APC: variants seen among roughly 807,000 people sequenced by gnomAD.
APC encodes adenomatous polyposis coli protein.
In APC, 72 loss-of-function variants were observed where a neutral mutation model predicts 247.0. That is an observed-to-expected ratio of 0.29 (90% CI 0.24 to 0.35). The LOEUF is 0.35. APC is among the 10% of genes least tolerant of loss of function. The probability of loss-of-function intolerance (pLI) is 1.00; values close to 1 mark genes in which losing one functional copy is unlikely to be tolerated. For missense variants in APC, 3,400 were observed against 3,360.7 expected (o/e 1.01, Z -0.29); for synonymous variants, 1,254 against 1,162.5 (o/e 1.08, Z -1.60).
At chr5:112,715,600 T>C (rs1438553941) in intron 1 of APC, among the ~76,000 whole-genome samples, 1 of 152,208 alleles carries the variant, frequency 6.6e-6, no homozygotes, top group Non-Finnish European at 1.5e-5. Flanking sequence ...ATATTTGTTA[T>C]AACATGTCAG....
intron 11 of APC, among the ~76,000 whole-genome samples, chr5:112,826,388 G>T (rs1027929826): frequency 1.3e-5 from 2 of 148,846 alleles, no homozygotes; most frequent in Non-Finnish European, 3.0e-5. Flanking sequence ...CTTTACCTTT[G>T]TTTTCTCCTT....
chr5:112,759,118 T>C (rs1382680102), intron 2 of APC, among the ~76,000 whole-genome samples: 2 of 152,178 alleles, frequency 1.3e-5, no homozygotes, highest in Non-Finnish European at 2.9e-5. Context: ...AAGTATATCT[T>C]TTCAGAAAGT....
At chr5:112,739,166 T>G (rs1752683230) in intron 1 of APC, among the ~76,000 whole-genome samples, 1 of 152,236 alleles carries the variant, frequency 6.6e-6, no homozygotes, top group African/African-American at 2.4e-5. Context: ...ACATGGCTTT[T>G]CTTCTAGATG....
chr5:112,737,996 T>C, intron 1 of APC, 71 bp downstream of exon 1: 1 of 935,616 alleles, frequency 1.1e-6, no homozygotes, highest in Middle Eastern at 5.5e-4. Context: ...CCTCGCACTG[T>C]CTTAAACCGA....
chr5:112,827,811 G>T (rs1428301395), intron 12 of APC, 118 bp from the exon 13 acceptor site: 4 of 769,218 alleles, frequency 5.2e-6, no homozygotes, highest in Non-Finnish European at 9.0e-6. Flanking sequence ...TATGAGTGAA[G>T]TATCAGTTAT....
chr5:112,740,918 C>A (rs1310317683), intron 1 of APC, among the ~76,000 whole-genome samples: 1 of 152,018 alleles, frequency 6.6e-6, no homozygotes, highest in Non-Finnish European at 1.5e-5. Context: ...ATCTTTTATA[C>A]TTGTATATGT....
intron 9 of APC, among the ~76,000 whole-genome samples, chr5:112,817,923 C>G (rs1419804983): frequency 1.3e-5 from 2 of 152,190 alleles, no homozygotes; most frequent in Non-Finnish European, 2.9e-5. Flanking sequence ...CCTATACTGC[C>G]TTCCTAAAAC....
At chr5:112,787,171 A>C (rs1350464664) in intron 6 of APC, among the ~76,000 whole-genome samples, 1 of 152,140 alleles carries the variant, frequency 6.6e-6, no homozygotes, top group African/African-American at 2.4e-5. Context: ...TACAGGCGTG[A>C]GCCACCACTC....
intron 8 of APC, among the ~76,000 whole-genome samples, chr5:112,811,738 C>G (rs1026465023): frequency 6.6e-6 from 1 of 152,186 alleles, no homozygotes; most frequent in Non-Finnish European, 1.5e-5. Context: ...TCTTTTGTTT[C>G]AAGTAGTACA....
intron 5 of APC, among the ~76,000 whole-genome samples, chr5:112,778,933 A>T (rs1758023181): frequency 6.6e-6 from 1 of 152,138 alleles, no homozygotes; most frequent in African/African-American, 2.4e-5. Context: ...ACTTTGAGAG[A>T]CCAAAATAGA....
chr5:112,798,558 C>G (rs1760450089), intron 7 of APC, among the ~76,000 whole-genome samples: 1 of 151,998 alleles, frequency 6.6e-6, no homozygotes, highest in Admixed American at 6.6e-5. Context: ...AATACCTCAC[C>G]AAAATTTTTT....
intron 8 of APC, among the ~76,000 whole-genome samples, chr5:112,803,385 G>T (rs890333321): frequency 6.6e-6 from 1 of 152,128 alleles, no homozygotes; most frequent in Non-Finnish European, 1.5e-5. Context: ...GACATTGATC[G>T]TAAAATGGTT....
chr5:112,714,259 A>T (rs564766452), intron 1 of APC, among the ~76,000 whole-genome samples: 77 of 152,360 alleles, frequency 5.1e-4, no homozygotes, highest in African/African-American at 1.7e-3. Flanking sequence ...GAGGCCAGAT[A>T]CACTAATGTC....
chr5:112,776,980 A>G (rs558024561), intron 5 of APC, among the ~76,000 whole-genome samples: 3 of 152,332 alleles, frequency 2.0e-5, no homozygotes, highest in African/African-American at 7.2e-5. Flanking sequence ...GTTGCTAGCA[A>G]TGGTAACATT....
At chr5:112,742,566 C>G (rs142218338) in intron 1 of APC, among the ~76,000 whole-genome samples, 129 of 152,280 alleles carry the variant, frequency 8.5e-4, no homozygotes, top group Non-Finnish European at 9.1e-4. Context: ...ATGGCTAACT[C>G]ACATAGTCTC....
intron 2 of APC, among the ~76,000 whole-genome samples, chr5:112,761,155 C>G (rs537636482): frequency 1.3e-5 from 2 of 152,024 alleles, no homozygotes; most frequent in African/African-American, 4.8e-5. Context: ...GAGATCAGAC[C>G]CCAACAATGG....
intron 1 of APC, among the ~76,000 whole-genome samples, chr5:112,717,862 C>A (rs1751257697): frequency 7.5e-6 from 1 of 133,412 alleles, no homozygotes; most frequent in Admixed American, 8.4e-5. Context: ...GTATGTTAGG[C>A]CTTCTTATCC....
At chr5:112,775,531 G>T (rs2149613237) in intron 4 of APC, 98 bp from the exon 5 acceptor site, 1 of 695,454 alleles carries the variant, frequency 1.4e-6, no homozygotes, top group South Asian at 1.8e-5. Flanking sequence ...AGCACTTTAG[G>T]TAGAGAAGTT....
chr5:112,820,108 A>T (rs1256089960), intron 10 of APC, among the ~76,000 whole-genome samples: 2 of 151,884 alleles, frequency 1.3e-5, no homozygotes, highest in East Asian at 3.9e-4. Flanking sequence ...GATATAACTT[A>T]TTTCATTCCT....
Sources: gnomAD v4.1 joint callset for allele counts (sites outside exome capture counted in the v4.1 genomes callset) on GRCh38, gnomAD v4.1.1 for gene constraint, MANE v1.5 for transcripts, NCBI Gene and HGNC (gene_info 2026-07-23, HGNC 2026-07-21) for gene names.